GRID2: variants seen among roughly 807,000 people sequenced by gnomAD.
The protein encoded by GRID2 is glutamate ionotropic receptor delta type subunit 2.
Under a neutral mutation model 114.8 loss-of-function variants are expected in GRID2, and 33 were observed. The observed-to-expected ratio is 0.29, with a 90% CI of 0.22 to 0.38. The LOEUF (loss-of-function observed/expected upper bound fraction) is 0.38, where lower values mean the gene tolerates loss of function less well. Among genes scored for constraint, GRID2 ranks in the 10% least tolerant of loss-of-function variants. The probability of loss-of-function intolerance (pLI) is 1.00; values close to 1 mark genes in which losing one functional copy is unlikely to be tolerated. For missense variants in GRID2, 1,184 were observed against 1,257.7 expected, an observed-to-expected ratio of 0.94 and a Z score of 0.89; for synonymous variants, 505 against 449.9, an observed-to-expected ratio of 1.12 and a Z score of -1.55.
At chr4:92,383,037 C>A (rs957185039) in intron 1 of GRID2, among the ~76,000 whole-genome samples, 2 of 151,920 alleles carry the variant, frequency 1.3e-5, no homozygotes, top group African/African-American at 4.8e-5. Context: ...GTAGCCAGCA[C>A]TTCACATGGC....
At chr4:93,286,235 T>C (rs945703625) in intron 8 of GRID2, among the ~76,000 whole-genome samples, 1 of 152,046 alleles carries the variant, frequency 6.6e-6, no homozygotes, top group African/African-American at 2.4e-5. Flanking sequence ...TATTTGTAAA[T>C]GAAGATGACT....
intron 1 of GRID2, among the ~76,000 whole-genome samples, chr4:92,436,348 A>T (rs765957854): frequency 2.6e-5 from 4 of 152,164 alleles, no homozygotes; most frequent in Non-Finnish European, 5.9e-5. Flanking sequence ...TTCTCAAAAT[A>T]CTAAAGATGT....
chr4:93,475,316 CT>C (rs1261684645), intron 11 of GRID2, among the ~76,000 whole-genome samples: 1 of 152,090 alleles, frequency 6.6e-6, no homozygotes, highest in African/African-American at 2.4e-5. Context: ...CATAAGAGCT[CT>C]GTAAAACTGA....
At chr4:93,200,188 T>C (rs1326112387) in intron 4 of GRID2, among the ~76,000 whole-genome samples, 1 of 152,214 alleles carries the variant, frequency 6.6e-6, no homozygotes. Context: ...GAGAGAACAT[T>C]GTGGTTTTAT....
At chr4:93,747,630 T>C (rs1283006212) in intron 14 of GRID2, among the ~76,000 whole-genome samples, 3 of 152,152 alleles carry the variant, frequency 2.0e-5, no homozygotes, top group Non-Finnish European at 4.4e-5. Flanking sequence ...AGTCTAATCA[T>C]ATATACACAA....
chr4:93,576,244 A>C (rs949599821), intron 13 of GRID2, among the ~76,000 whole-genome samples: 1 of 152,170 alleles, frequency 6.6e-6, no homozygotes, highest in African/African-American at 2.4e-5. Context: ...TTCTGGCAGC[A>C]TCAATAGCAA....
intron 2 of GRID2, among the ~76,000 whole-genome samples, chr4:92,898,720 C>A (rs186514065): frequency 6.6e-6 from 1 of 152,048 alleles, no homozygotes; most frequent in Non-Finnish European, 1.5e-5. Flanking sequence ...ACTAATGTAG[C>A]GCTTACAGAT....
intron 4 of GRID2, among the ~76,000 whole-genome samples, chr4:93,205,606 C>T (rs1050139235): frequency 5.3e-5 from 8 of 152,188 alleles, no homozygotes; most frequent in Admixed American, 3.3e-4. Context: ...TGAATAGTGC[C>T]GCGATAAACA....
intron 14 of GRID2, among the ~76,000 whole-genome samples, chr4:93,707,521 G>A (rs1261354722): frequency 6.6e-6 from 1 of 151,716 alleles, no homozygotes; most frequent in Admixed American, 6.6e-5. Flanking sequence ...ATAATCTTTT[G>A]AATTTCTACA....
intron 8 of GRID2, among the ~76,000 whole-genome samples, chr4:93,371,000 T>G (rs910254206): frequency 6.6e-6 from 1 of 152,162 alleles, no homozygotes; most frequent in Non-Finnish European, 1.5e-5. Context: ...AGCAAAATAC[T>G]TCTAGGACCA....
intron 1 of GRID2, among the ~76,000 whole-genome samples, chr4:93,792,226 TAACTC>T (rs1383777313): frequency 1.3e-5 from 2 of 152,182 alleles, no homozygotes; most frequent in Non-Finnish European, 2.9e-5. Flanking sequence ...CAGCAAAAGT[TAACTC>T]AATTCTAATC....
chr4:92,305,365 G>T (rs1258803231), intron 1 of GRID2, among the ~76,000 whole-genome samples: 5 of 152,148 alleles, frequency 3.3e-5, no homozygotes, highest in African/African-American at 9.7e-5. Context: ...GGGGCTGGCG[G>T]CAGTGTCGCC....
intron 14 of GRID2, among the ~76,000 whole-genome samples, chr4:93,764,039 G>A (rs1273207492): frequency 2.6e-5 from 4 of 152,096 alleles, no homozygotes; most frequent in Non-Finnish European, 5.9e-5. Context: ...AACCTGTTTT[G>A]TAACAAATAA....
chr4:92,444,056 C>G (rs932665215), intron 1 of GRID2, among the ~76,000 whole-genome samples: 1 of 152,158 alleles, frequency 6.6e-6, no homozygotes, highest in Non-Finnish European at 1.5e-5. Flanking sequence ...GGCCGCTTAA[C>G]TGATTTAAAA....
intron 8 of GRID2, among the ~76,000 whole-genome samples, chr4:93,313,800 A>G (rs1288739265): frequency 6.6e-6 from 1 of 152,206 alleles, no homozygotes; most frequent in Non-Finnish European, 1.5e-5. Context: ...GCAAAAACAG[A>G]TTAAGTTCTT....
chr4:93,619,509 T>A (rs1242920443), intron 13 of GRID2, among the ~76,000 whole-genome samples: 1 of 152,222 alleles, frequency 6.6e-6, no homozygotes, highest in African/African-American at 2.4e-5. Context: ...GTTTGCAGCT[T>A]AGTGGGCAAG....
At position 93,022,604 on chromosome 4, in the gene GRID2, C is replaced by G. The variant is rs901819778; in HGVS notation, c.245-62391C>G. 5.7e-4 allele frequency among the ~76,000 whole-genome samples: 87 copies of G among 152,044 alleles called. 1 individual carries two copies. Among genetic ancestry groups the G allele is most frequent in the African/African-American group, 2.0e-3 (82 of 41,550 alleles). On this transcript the variant is annotated intron_variant, in intron 2 of 15. Coordinates refer to ENST00000282020, the MANE Select transcript of GRID2 (RefSeq NM_001510.4). ...TTAACAGGTATTGCTGAATTATCCT[C>G]TAAAACTTTTAATCAAAATGTTTTC...
At chr4:92,421,215 C>T (rs927501626) in intron 1 of GRID2, among the ~76,000 whole-genome samples, 1 of 151,662 alleles carries the variant, frequency 6.6e-6, no homozygotes, top group African/African-American at 2.4e-5. Context: ...GTTGAGTGCT[C>T]TGTATGTGTT....
In GRID2 at chr4:93,079,219, T is replaced by C. The variant is rs1362538986; in HGVS notation, c.245-5776T>C. On this transcript the variant is annotated intron_variant, in intron 2 of 15. Transcript: ENST00000282020. ...GAATCACTTTAGGTCTGATTAAAAG[T>C]GTACTCAATACTTTCTAGGTTCTTC... Among the ~76,000 whole-genome samples the C allele has an allele frequency of 2.0e-5, 3 of 152,062 alleles. No homozygotes were observed. In the East Asian group the frequency reaches 5.8e-4, roughly 29 times the overall value.
Sources: allele counts gnomAD v4.1 joint callset (sites outside exome capture counted in the v4.1 genomes callset), GRCh38; gene constraint gnomAD v4.1.1; transcripts MANE v1.5; gene names NCBI Gene and HGNC (gene_info 2026-07-23, HGNC 2026-07-21).